The following ANTXR1 variants were observed in gnomAD, a reference collection of about 807,000 sequenced individuals.
The protein encoded by ANTXR1 is anthrax toxin receptor 1.
A neutral mutation model predicts 78.1 loss-of-function variants in ANTXR1; 19 were observed. The observed-to-expected ratio is 0.24, with a 90% CI of 0.17 to 0.36. ANTXR1 has a LOEUF of 0.36. Among genes scored for constraint, ANTXR1 ranks in the 10% least tolerant of loss-of-function variants. The pLI, the probability that ANTXR1 is intolerant of heterozygous loss-of-function variation, is 1.00. For synonymous variants in ANTXR1, 273 were observed against 260.5 expected (o/e 1.05, Z -0.46); for missense variants, 518 against 718.6 (o/e 0.72, Z 3.19).
chr2:69,086,331 A>G (rs569872186), intron 8 of ANTXR1, among the ~76,000 whole-genome samples: 5 of 152,226 alleles, frequency 3.3e-5, no homozygotes, highest in South Asian at 2.1e-4. Context: ...ATTTGAAAAA[A>G]TAAACTCTTC....
intron 12 of ANTXR1, among the ~76,000 whole-genome samples, chr2:69,128,554 G>T (rs541766259): frequency 6.6e-6 from 1 of 152,224 alleles, no homozygotes; most frequent in African/African-American, 2.4e-5. Flanking sequence ...CCAGGTGATT[G>T]AAAGGGGGAA....
chr2:69,238,530 C>CCA (rs1241969775), intron 17 of ANTXR1, among the ~76,000 whole-genome samples: 7 of 152,198 alleles, frequency 4.6e-5, no homozygotes, highest in Non-Finnish European at 1.0e-4. Context: ...CAGTAGAGCA[C>CCA]CACCTTCGGC....
intron 8 of ANTXR1, among the ~76,000 whole-genome samples, chr2:69,082,013 C>T (rs116156331): frequency 1.7e-3 from 266 of 152,322 alleles, no homozygotes; most frequent in African/African-American, 5.8e-3. Context: ...CTAATGCCCA[C>T]GATGTGAATG....
At chr2:69,015,234 G>T (rs1339848188) in intron 1 of ANTXR1, among the ~76,000 whole-genome samples, 1 of 113,184 alleles carries the variant, frequency 8.8e-6, no homozygotes, top group African/African-American at 3.4e-5. Context: ...TTGTTTTGAT[G>T]ATAAGAATTT....
At chr2:69,170,195 G>A (rs755162227) in intron 13 of ANTXR1, 53 bp from the exon 14 acceptor site, 1 of 1,596,988 alleles carries the variant, frequency 6.3e-7, no homozygotes, top group Non-Finnish European at 8.6e-7. Context: ...AAGCCTCTTA[G>A]GAGGCAGGTA....
At position 69,013,572 on chromosome 2, in the gene ANTXR1, T is replaced by C; in HGVS notation, c.73T>C (p.Cys25Arg). The change falls in exon 1 of 18, where the codon TGC becomes CGC. Residue 25 changes from cysteine (C) to arginine (R), a missense_variant. Physicochemically the swap from Cys to Arg is radical, Grantham distance 180 (BLOSUM62 -3). Coordinates refer to ENST00000303714, the MANE Select transcript of ANTXR1 (RefSeq NM_032208.3). The surrounding 1 kb of genome is among the most constrained non-coding windows in gnomAD (Gnocchi z 5.0). Reference protein sequence around the residue: ...WLSLATLVLICAGQGGRREDG... With the variant: ...WLSLATLVLIRAGQGGRREDG... ...CTCTTTGGCCACTCTGGTGCTCATC[T>C]GCGCCGGGCAAGGGGGACGCAGGGA... The C allele has an allele frequency of 6.4e-7, 1 of 1,572,800 alleles. No individual in the cohort carries two copies. Among genetic ancestry groups the C allele is most frequent in the Non-Finnish European group, 8.6e-7 (1 of 1,158,976 alleles).
chr2:69,224,778 C>T (rs531385055), intron 17 of ANTXR1, among the ~76,000 whole-genome samples: 1 of 152,312 alleles, frequency 6.6e-6, no homozygotes, highest in Non-Finnish European at 1.5e-5. Flanking sequence ...GCAGAAGAGT[C>T]TCAACTCCAC....
At chr2:69,225,917 C>T (rs1351046657) in intron 17 of ANTXR1, among the ~76,000 whole-genome samples, 2 of 152,104 alleles carry the variant, frequency 1.3e-5, no homozygotes, top group Non-Finnish European at 2.9e-5. Flanking sequence ...TTGTGATGGC[C>T]GGAAAGAGGA....
intron 14 of ANTXR1, among the ~76,000 whole-genome samples, chr2:69,175,695 G>C (rs576732341): frequency 6.0e-4 from 92 of 152,242 alleles, no homozygotes; most frequent in South Asian, 1.2e-3. Context: ...GGGCGGGTGA[G>C]AGTGGGAAAG....
At chr2:69,234,535 G>A (rs554022652) in intron 17 of ANTXR1, among the ~76,000 whole-genome samples, 10 of 152,258 alleles carry the variant, frequency 6.6e-5, no homozygotes, top group Admixed American at 6.5e-4. Context: ...CCAGCACTTT[G>A]GGAGGCCAAG....
At chr2:69,207,313 T>C (rs533611460) in intron 17 of ANTXR1, among the ~76,000 whole-genome samples, 1 of 152,300 alleles carries the variant, frequency 6.6e-6, no homozygotes, top group East Asian at 1.9e-4. Flanking sequence ...GGCAACAGTT[T>C]GACTATTGAA....
chr2:69,073,189 A>G (rs1670623517), intron 6 of ANTXR1, 88 bp downstream of exon 6: 2 of 1,153,014 alleles, frequency 1.7e-6, no homozygotes, highest in African/African-American at 1.5e-5. Context: ...TATTCATGTG[A>G]TAGGTGTTCT....
At chr2:69,100,796 AGTGCTTGACAC>A (rs1436795781) in intron 9 of ANTXR1, among the ~76,000 whole-genome samples, 1 of 152,254 alleles carries the variant, frequency 6.6e-6, no homozygotes, top group Non-Finnish European at 1.5e-5. Context: ...TTCTTCTACA[AGTGCTTGACAC>A]GTACTAAATT....
chr2:69,053,087 T>G (rs1669970123), intron 3 of ANTXR1, among the ~76,000 whole-genome samples: 1 of 152,200 alleles, frequency 6.6e-6, no homozygotes, highest in Admixed American at 6.6e-5. Flanking sequence ...TATATGACTT[T>G]ATTTCAAAGG....
At chr2:69,198,569 A>G (rs1193965126) in intron 17 of ANTXR1, among the ~76,000 whole-genome samples, 2 of 152,342 alleles carry the variant, frequency 1.3e-5, no homozygotes, top group African/African-American at 4.8e-5. Context: ...ATATATGTCC[A>G]AAGTTTTTTC....
chr2:69,233,057 A>G (rs1675662538), intron 17 of ANTXR1, among the ~76,000 whole-genome samples: 1 of 152,164 alleles, frequency 6.6e-6, no homozygotes. Context: ...AATTACAGAA[A>G]TTGACTCAAA....
At chr2:69,223,981 C>CA (rs1429548300) in intron 17 of ANTXR1, among the ~76,000 whole-genome samples, 1 of 152,204 alleles carries the variant, frequency 6.6e-6, no homozygotes, top group Non-Finnish European at 1.5e-5. Context: ...TTCTCATCTC[C>CA]ACCCGGTCCT....
In ANTXR1 at chr2:69,162,150, G is replaced by T. The variant is rs10182901; in HGVS notation, c.1048-8098G>T. Among the ~76,000 whole-genome samples, 157 of 152,280 alleles carry T rather than the reference G, an allele frequency of 1.0e-3. 1 individual carries two copies. The highest frequency in any genetic ancestry group is 6.8e-3 in the Middle Eastern group (2 of 294). On this transcript the variant is annotated intron_variant, in intron 13 of 17. Transcript: ENST00000303714. ...CATAGCCAGGCTCATGAGAAAATAG[G>T]AGATGTTTCCAGGGCCCAAATAAAG...
chr2:69,195,603 A>G (rs1266191637), intron 17 of ANTXR1, among the ~76,000 whole-genome samples: 1 of 152,212 alleles, frequency 6.6e-6, no homozygotes, highest in Non-Finnish European at 1.5e-5. Context: ...AACAAGACCA[A>G]ATTTCTATAT....
Sources: gnomAD v4.1 joint callset for allele counts (sites outside exome capture counted in the v4.1 genomes callset) on GRCh38, gnomAD v4.1.1 for gene constraint, Gnocchi (gnomAD v3.1) non-coding constraint, MANE v1.5 for transcripts, NCBI Gene and HGNC (gene_info 2026-07-23, HGNC 2026-07-21) for gene names.